Variants in GUCY2F observed in about 807,000 individuals in gnomAD.
The protein encoded by GUCY2F is guanylate cyclase 2F, retinal.
In GUCY2F, 61 loss-of-function variants were observed where a neutral mutation model predicts 73.1. The observed-to-expected ratio is 0.83, with a 90% CI of 0.68 to 1.03. The LOEUF (loss-of-function observed/expected upper bound fraction) is 1.03. Ranked by LOEUF, GUCY2F falls within the 50% of genes least tolerant of loss-of-function variation. The pLI, the probability that GUCY2F is intolerant of heterozygous loss-of-function variation, is 0.00. For missense variants in GUCY2F, 912 were observed against 854.3 expected, an observed-to-expected ratio of 1.07 and a Z score of -0.84; for synonymous variants, 331 against 307.8, an observed-to-expected ratio of 1.08 and a Z score of -0.79.
intron 5 of GUCY2F, among the ~76,000 whole-genome samples, chrX:109,450,210 C>T (rs1373265401): frequency 9.0e-6 from 1 of 111,357 alleles, no homozygotes; most frequent in East Asian, 2.8e-4. Flanking sequence ...AATCATTTTC[C>T]TCTCTAATCA....
At chrX:109,453,412 G>T in intron 4 of GUCY2F, 93 bp downstream of exon 4, 1 of 490,757 alleles carries the variant, frequency 2.0e-6, no homozygotes, top group Non-Finnish European at 3.5e-6. Flanking sequence ...GATTTTATGA[G>T]TGTTTCAATA....
intron 12 of GUCY2F, among the ~76,000 whole-genome samples, chrX:109,394,029 G>A (rs746614965): frequency 8.9e-5 from 10 of 111,807 alleles, no homozygotes; most frequent in Non-Finnish European, 1.9e-4. Flanking sequence ...GGATAACCTC[G>A]TAGCCAGTTT....
rs776868978 is a variant in GUCY2F at position 109,475,264 on chromosome X, C to T, written c.673G>A (p.Asp225Asn). 5.8e-6 allele frequency: 7 copies of T among 1,209,193 alleles called. No homozygotes were observed. The African/African-American group carries it at 1.2e-4, about 21-fold the overall frequency. ...AGGGCTTTCCGCATGCTTTGGCTGT[C>T]TTGTCCTGTGGTCAGGACGACCCCT... ...PVGVVLTTGQ[D>N]SQSMRKALQR... The change falls in exon 2 of 20, where the codon GAC becomes AAC. Residue 225 changes from aspartate (D) to asparagine (N), a missense_variant. Coordinates refer to ENST00000218006, the MANE Select transcript of GUCY2F (RefSeq NM_001522.3).
intron 8 of GUCY2F, among the ~76,000 whole-genome samples, chrX:109,421,892 T>C (rs1166614962): frequency 1.8e-5 from 2 of 111,636 alleles, no homozygotes; most frequent in African/African-American, 6.5e-5. Flanking sequence ...GAAATACAAC[T>C]AGGCAATTTA....
chrX:109,459,297 A>G (rs1932318053), intron 3 of GUCY2F, among the ~76,000 whole-genome samples: 1 of 111,821 alleles, frequency 8.9e-6, no homozygotes, highest in Non-Finnish European at 1.9e-5. Context: ...GTGCTTGCAG[A>G]GGGAATTACT....
intron 1 of GUCY2F, among the ~76,000 whole-genome samples, chrX:109,481,584 G>T (rs924312221): frequency 3.6e-5 from 4 of 111,514 alleles, no homozygotes; most frequent in Admixed American, 1.9e-4. Context: ...CAAGTTAACA[G>T]CTTGTATAAG....
intron 1 of GUCY2F, among the ~76,000 whole-genome samples, chrX:109,477,246 T>C (rs1282903921): frequency 9.0e-6 from 1 of 111,326 alleles, no homozygotes; most frequent in East Asian, 2.8e-4. Context: ...ACTGACAAGA[T>C]ATAGAAGGTA....
intron 10 of GUCY2F, 36 bp downstream of exon 10, chrX:109,404,292 C>T (rs755845329): frequency 4.5e-5 from 47 of 1,033,494 alleles, no homozygotes; most frequent in Non-Finnish European, 6.3e-5. Context: ...TTGGAGTTAC[C>T]TCGTGTGCAT....
intron 7 of GUCY2F, among the ~76,000 whole-genome samples, chrX:109,435,604 T>C (rs1348065102): frequency 1.8e-5 from 2 of 109,793 alleles, no homozygotes; most frequent in Non-Finnish European, 3.8e-5. Flanking sequence ...CTTTTCCTAA[T>C]TGAATACCCT....
At chrX:109,436,499 G>A (rs1325623540) in intron 7 of GUCY2F, among the ~76,000 whole-genome samples, 3 of 110,968 alleles carry the variant, frequency 2.7e-5, no homozygotes, top group African/African-American at 6.6e-5. Context: ...TGTTTATTGC[G>A]GCACTATTCA....
At chrX:109,391,785 C>T in intron 14 of GUCY2F, 126 bp downstream of exon 14, 1 of 387,684 alleles carries the variant, frequency 2.6e-6, no homozygotes, top group Non-Finnish European at 4.4e-6. Context: ...AAGGGGTGTA[C>T]TATTTAATTT....
intron 5 of GUCY2F, among the ~76,000 whole-genome samples, chrX:109,448,990 A>G (rs1162560969): frequency 8.9e-6 from 1 of 112,012 alleles, no homozygotes; most frequent in African/African-American, 3.2e-5. Context: ...TCACGCAGTC[A>G]GGTAGGTCTG....
intron 1 of GUCY2F, among the ~76,000 whole-genome samples, chrX:109,480,764 G>A (rs1426235453): frequency 9.1e-6 from 1 of 110,134 alleles, no homozygotes; most frequent in Non-Finnish European, 1.9e-5. Flanking sequence ...TTCTGGTACC[G>A]ATGTGATGCA....
At position 109,452,102 on chromosome X, in the gene GUCY2F, C is replaced by A; in HGVS notation, c.1393G>T (p.Asp465Tyr). The A allele has an allele frequency of 9.4e-7, 1 of 1,068,160 alleles. No individual in the cohort carries two copies. The highest frequency in any genetic ancestry group is 1.3e-6 in the Non-Finnish European group (1 of 764,798). 88.0% of individuals were successfully genotyped at this position (1,068,160 alleles called of 1,213,427 possible). A position where few individuals can be genotyped will look rare whatever the true frequency, so the allele number is the denominator to read the frequency against. ...AEGKICHGGI[D>Y]PAFAMMVCLT... is the part of the protein sequence containing the mutation. Reference sequence around the variant, plus strand: ...CAGACCATCATGGCAAAGGCAGGGTCGATGCCTGCAGAGAGTGAGAGGAAG... The same window carrying A: ...CAGACCATCATGGCAAAGGCAGGGTAGATGCCTGCAGAGAGTGAGAGGAAG... The change falls in exon 5 of 20, where the codon GAC becomes TAC. Residue 465 changes from aspartate to tyrosine, a missense_variant. Transcript: ENST00000218006.
intron 8 of GUCY2F, among the ~76,000 whole-genome samples, chrX:109,421,758 A>G (rs1458633025): frequency 9.0e-6 from 1 of 111,636 alleles, no homozygotes; most frequent in African/African-American, 3.2e-5. Flanking sequence ...GATTTTTTTT[A>G]CCATAATGAA....
intron 10 of GUCY2F, 79 bp from the exon 11 acceptor site, chrX:109,398,777 T>G: frequency 1.1e-6 from 1 of 903,351 alleles, no homozygotes; most frequent in Non-Finnish European, 1.6e-6. Context: ...GCTCAGAGGG[T>G]ACTGTTTTAT....
chrX:109,462,576 C>CT (rs57809743), intron 3 of GUCY2F, among the ~76,000 whole-genome samples: 4,001 of 110,999 alleles, frequency 0.036, 155 homozygotes, highest in African/African-American at 0.11. Flanking sequence ...CTAATGGCGT[C>CT]TTTTTTTTGC....
At chrX:109,446,570 A>G (rs1215373137) in intron 6 of GUCY2F, among the ~76,000 whole-genome samples, 2 of 110,985 alleles carry the variant, frequency 1.8e-5, no homozygotes, top group Non-Finnish European at 3.8e-5. Flanking sequence ...CTGGCTAGCC[A>G]TATGTAGAAA....
intron 6 of GUCY2F, 104 bp from the exon 7 acceptor site, chrX:109,441,586 G>C: frequency 2.0e-6 from 1 of 507,317 alleles, no homozygotes; most frequent in Non-Finnish European, 3.1e-6. Flanking sequence ...AACCATATGA[G>C]TTGAACCCTG....
Sources: gnomAD v4.1 joint callset for allele counts (sites outside exome capture counted in the v4.1 genomes callset) on GRCh38, gnomAD v4.1.1 for gene constraint, MANE v1.5 for transcripts, NCBI Gene and HGNC (gene_info 2026-07-23, HGNC 2026-07-21) for gene names.